The following POU6F2 variants were observed in gnomAD, a reference collection of about 807,000 sequenced individuals.
The protein encoded by POU6F2 is POU domain, class 6, transcription factor 2.
POU6F2 carries 31 observed loss-of-function variants against 71.3 expected under a neutral mutation model. The ratio of observed to expected loss-of-function variants is 0.43; its 90% CI spans 0.33 to 0.59. The LOEUF (loss-of-function observed/expected upper bound fraction) is 0.59, where lower values mean the gene tolerates loss of function less well. Among genes scored for constraint, POU6F2 ranks in the 20% least tolerant of loss-of-function variants. POU6F2 has a pLI of 0.04. For missense variants in POU6F2, 783 were observed against 856.8 expected, an observed-to-expected ratio of 0.91 and a Z score of 1.07; for synonymous variants, 347 against 355.7, an observed-to-expected ratio of 0.98 and a Z score of 0.27.
At chr7:39,455,026 A>G (rs1014421912) in intron 8 of POU6F2, among the ~76,000 whole-genome samples, 1 of 152,218 alleles carries the variant, frequency 6.6e-6, no homozygotes, top group South Asian at 2.1e-4. Context: ...ATACTTATTT[A>G]TAGCACCTAC....
intron 1 of POU6F2, among the ~76,000 whole-genome samples, chr7:38,999,660 C>T (rs1788841571): frequency 6.6e-6 from 1 of 152,160 alleles, no homozygotes; most frequent in Non-Finnish European, 1.5e-5. Flanking sequence ...GTCTCTCTGA[C>T]CCTAGGCCTC....
At chr7:39,351,495 T>C (rs1786138497) in intron 5 of POU6F2, among the ~76,000 whole-genome samples, 1 of 152,224 alleles carries the variant, frequency 6.6e-6, no homozygotes, top group Non-Finnish European at 1.5e-5. Flanking sequence ...ATAATCCTTT[T>C]CATAATCTTT....
Position 39,115,889 on chromosome 7 carries a change from G to C in POU6F2, c.277+29858G>C, listed in dbSNP as rs574079043. Among the ~76,000 whole-genome samples, 5 of 152,156 alleles carry C rather than the reference G, an allele frequency of 3.3e-5. No homozygotes were observed. The East Asian group carries it at 9.7e-4, about 29-fold the overall frequency. ...AACAGCTTCTCTTTCCTGGATTACAGAAATATTTCTTTGATTATAGACTGA... is the reference window on the plus strand; with the variant it reads ...AACAGCTTCTCTTTCCTGGATTACACAAATATTTCTTTGATTATAGACTGA... On this transcript the variant is annotated intron_variant, in intron 2 of 9. Coordinates refer to ENST00000518318, the MANE Select transcript of POU6F2 (RefSeq NM_001370959.1).
chr7:39,375,864 G>T (rs745866665), intron 5 of POU6F2, among the ~76,000 whole-genome samples: 8 of 151,956 alleles, frequency 5.3e-5, no homozygotes, highest in Admixed American at 1.3e-4. Flanking sequence ...GGAGTTTTTT[G>T]TTGTTGTTGT....
chr7:39,370,825 T>G (rs560374597), intron 5 of POU6F2, among the ~76,000 whole-genome samples: 1 of 152,314 alleles, frequency 6.6e-6, no homozygotes, highest in African/African-American at 2.4e-5. Flanking sequence ...AACTTGAACT[T>G]CAACATGGGC....
chr7:39,435,699 TG>T (rs1267870018), intron 7 of POU6F2, among the ~76,000 whole-genome samples: 1 of 152,260 alleles, frequency 6.6e-6, no homozygotes, highest in Non-Finnish European at 1.5e-5. Flanking sequence ...ATGAAGTCTT[TG>T]CCCATGCCTA....
At chr7:39,296,975 G>A (rs144993887) in intron 4 of POU6F2, among the ~76,000 whole-genome samples, 78 of 152,094 alleles carry the variant, frequency 5.1e-4, no homozygotes, top group African/African-American at 1.7e-3. Flanking sequence ...TAACCCCAAG[G>A]TATCAGAACA....
intron 4 of POU6F2, among the ~76,000 whole-genome samples, chr7:39,214,858 G>A (rs983106178): frequency 5.3e-5 from 8 of 152,182 alleles, no homozygotes; most frequent in African/African-American, 1.7e-4. Flanking sequence ...CTACAGGAGC[G>A]GGAAGAAGGC....
rs1224633068 is a variant in POU6F2, at chr7:38,977,971, C to T, written c.18C>T (p.Pro6=). 1.3e-5 allele frequency: 2 copies of T among 152,192 alleles called. No individual in the cohort carries two copies. Among genetic ancestry groups the T allele is most frequent in the African/African-American group, 4.8e-5 (2 of 41,412 alleles). The allele number at this position is 152,192 out of a possible 1,614,324, so 9.4% of individuals were successfully genotyped here. MHARN[P]HSPFQRQHMM... Reference sequence around the variant, plus strand: ...ATTGACAGATGCATGCCAGAAACCCCCATTCTCCTTTTCAAAGACAACATA... The same window carrying T: ...ATTGACAGATGCATGCCAGAAACCCTCATTCTCCTTTTCAAAGACAACATA... Residue 6 remains proline (P), a synonymous_variant, in exon 1 of 10, where the codon CCC becomes CCT. Transcript: ENST00000518318.
At chr7:39,387,755 A>G (rs987031010) in intron 5 of POU6F2, among the ~76,000 whole-genome samples, 1 of 152,238 alleles carries the variant, frequency 6.6e-6, no homozygotes, top group Non-Finnish European at 1.5e-5. Flanking sequence ...GTCATGGAAC[A>G]TTATGCTTTA....
In POU6F2 at chr7:39,314,813, G is replaced by T. The variant is rs12670009; in HGVS notation, c.599-24829G>T. 4.0e-3 allele frequency among the ~76,000 whole-genome samples: 602 copies of T among 152,072 alleles called. 12 individuals carry two copies. The East Asian group carries it at 0.058, about 15-fold the overall frequency. On this transcript the variant is annotated intron_variant, in intron 4 of 9. Coordinates refer to ENST00000518318, the MANE Select transcript of POU6F2 (RefSeq NM_001370959.1). ...CTGAATAAAAAAAGAATTGTTCCTA[G>T]TTCTTTAGAAATGTACCTGCTTAAG...
At chr7:39,272,230 A>G (rs1048283215) in intron 4 of POU6F2, among the ~76,000 whole-genome samples, 4 of 152,156 alleles carry the variant, frequency 2.6e-5, no homozygotes, top group Admixed American at 2.6e-4. Flanking sequence ...ACCAAATAGA[A>G]ATGTATTAAG....
chr7:39,022,188 C>T (rs1789692071), intron 1 of POU6F2, among the ~76,000 whole-genome samples: 1 of 151,990 alleles, frequency 6.6e-6, no homozygotes, highest in African/African-American at 2.4e-5. Context: ...CTGCATTCTT[C>T]TCTCTGGCCT....
intron 5 of POU6F2, among the ~76,000 whole-genome samples, chr7:39,399,774 C>T (rs1222907109): frequency 2.6e-5 from 4 of 151,686 alleles, no homozygotes; most frequent in Non-Finnish European, 5.9e-5. Context: ...GGCTTCAGCC[C>T]CAGAGTTCGA....
chr7:39,398,626 G>T (rs1787230372), intron 5 of POU6F2, among the ~76,000 whole-genome samples: 1 of 152,132 alleles, frequency 6.6e-6, no homozygotes, highest in Non-Finnish European at 1.5e-5. Context: ...AGGTGATCTG[G>T]GAGAATGGGA....
chr7:38,997,176 A>G lies in POU6F2; in HGVS notation c.105+19118A>G, dbSNP rs1202958687. ...TCTGTGTTGACTTTGTTCACTATTGAGCCAGATTCTGGATAATTTCCTTTA... is the reference window on the plus strand; with the variant it reads ...TCTGTGTTGACTTTGTTCACTATTGGGCCAGATTCTGGATAATTTCCTTTA... On this transcript the variant is annotated intron_variant, in intron 1 of 9. Coordinates refer to ENST00000518318, the MANE Select transcript of POU6F2 (RefSeq NM_001370959.1). Among the ~76,000 whole-genome samples, 7 of 152,168 alleles carry G rather than the reference A, an allele frequency of 4.6e-5. No individual in the cohort carries two copies. In the South Asian group the frequency reaches 1.5e-3, roughly 32 times the overall value.
intron 4 of POU6F2, among the ~76,000 whole-genome samples, chr7:39,252,772 C>T (rs775638874): frequency 7.2e-5 from 11 of 152,262 alleles, no homozygotes; most frequent in Admixed American, 3.3e-4. Context: ...TCCAGAGGTC[C>T]GCTCATGGCA....
chr7:39,086,526 G>A (rs1436881209), intron 2 of POU6F2, among the ~76,000 whole-genome samples: 1 of 152,102 alleles, frequency 6.6e-6, no homozygotes, highest in Non-Finnish European at 1.5e-5. Context: ...GAATTGCTCT[G>A]AGAAATAACA....
chr7:39,049,420 A>G (rs1009276086), intron 1 of POU6F2, among the ~76,000 whole-genome samples: 1 of 151,828 alleles, frequency 6.6e-6, no homozygotes, highest in African/African-American at 2.4e-5. Flanking sequence ...TCTCTCACTC[A>G]TGGGTGTTAG....
Sources: allele counts gnomAD v4.1 joint callset (sites outside exome capture counted in the v4.1 genomes callset), GRCh38; gene constraint gnomAD v4.1.1; transcripts MANE v1.5; gene names NCBI Gene and HGNC (gene_info 2026-07-23, HGNC 2026-07-21).